The following HMCN2 variants were observed in gnomAD, a reference collection of about 807,000 sequenced individuals.
HMCN2 encodes hemicentin 2.
In HMCN2, 325 loss-of-function variants were observed where a neutral mutation model predicts 377.5. The observed-to-expected ratio is 0.86, with a 90% CI of 0.79 to 0.94. The LOEUF (loss-of-function observed/expected upper bound fraction) is 0.94, where lower values mean the gene tolerates loss of function less well. Ranked by LOEUF, HMCN2 falls within the 40% of genes least tolerant of loss-of-function variation. The pLI is 0.00. For synonymous variants in HMCN2, 2,007 were observed against 2,046.8 expected (o/e 0.98, Z 0.53); for missense variants, 4,543 against 4,725.3 (o/e 0.96, Z 1.13).
At position 130,298,992 on chromosome 9, in the gene HMCN2, G is replaced by A. The variant is rs1038525974; in HGVS notation, c.1013-33G>A. The A allele has an allele frequency of 1.3e-4, 59 of 453,620 alleles. No homozygotes were observed. In the Admixed American group the frequency reaches 1.3e-3, roughly 10 times the overall value. The allele number at this position is 453,620 out of a possible 1,614,324, so 28.1% of individuals were successfully genotyped here. ...GGGGATCACAGAGGCAGACACTGAC[G>A]CCAGCACTTTGTTCTTCACCTTCCC... On this transcript the variant is annotated intron_variant, in intron 7 of 97. Transcript: ENST00000683500.
chr9:130,306,191 G>A lies in HMCN2; in HGVS notation c.1879G>A (p.Val627Ile), dbSNP rs782314674. The change falls in exon 12 of 98, where the codon GTC (valine) becomes ATC (isoleucine). Residue 627 changes from valine (V) to isoleucine (I), a missense_variant. This residue lies in a region of HMCN2 where 547 missense variants were observed against 189.9 expected (regional missense o/e 2.88). Transcript: ENST00000683500. The part of the protein sequence containing the change: ...QHFSQGVEVK[V>I]SCSASGYPTP... ...CTTCTCCCAAGGTGTGGAGGTGAAG[G>A]TCAGCTGCTCAGCCTCTGGATACCC... is the stretch of plus-strand genomic sequence containing the variant. 9 of 470,986 alleles carry A rather than the reference G, an allele frequency of 1.9e-5. No homozygotes were observed. Among genetic ancestry groups the A allele is most frequent in the Non-Finnish European group, 2.6e-5 (6 of 227,046 alleles). 29.2% of individuals were successfully genotyped at this position (470,986 alleles called of 1,614,324 possible). A position where few individuals can be genotyped will look rare whatever the true frequency, so the allele number is the denominator to read the frequency against.
At chr9:130,367,869 G>A (rs181062204) in intron 43 of HMCN2, among the ~76,000 whole-genome samples, 36 of 150,166 alleles carry the variant, frequency 2.4e-4, no homozygotes, top group African/African-American at 3.9e-4. Flanking sequence ...CTGAACCCAG[G>A]AGGCAGAGGT....
chr9:130,302,792 C>G, intron 8 of HMCN2, 65 bp from the exon 9 acceptor site: 1 of 386,914 alleles, frequency 2.6e-6, no homozygotes, highest in South Asian at 1.9e-5. Flanking sequence ...CTACAGGTCT[C>G]TGTGTCACTG....
At position 130,360,018 on chromosome 9, in the gene HMCN2, T is replaced by C. The variant is rs948955372; in HGVS notation, c.5774-410T>C. On this transcript the variant is annotated intron_variant, in intron 37 of 97. Transcript: ENST00000683500. The surrounding 1 kb of genome is among the most constrained non-coding windows in gnomAD (Gnocchi z 4.7). ...CTGCTTTGGGCTGGTCCATGTTCTC[T>C]AATGCCCCCTAGGGGACGGGGTCTT... 2.0e-5 allele frequency among the ~76,000 whole-genome samples: 3 copies of C among 152,068 alleles called. No individual in the cohort carries two copies. Among genetic ancestry groups the C allele is most frequent in the African/African-American group, 7.2e-5 (3 of 41,408 alleles).
At chr9:130,395,436 T>G in intron 71 of HMCN2, 89 bp downstream of exon 71, 2 of 1,133,904 alleles carry the variant, frequency 1.8e-6, no homozygotes, top group Non-Finnish European at 2.3e-6. Context: ...CCAGAGCGGG[T>G]GCCAAGGGCC....
At chr9:130,396,894 G>A (rs868225912) in intron 73 of HMCN2, among the ~76,000 whole-genome samples, 3 of 152,156 alleles carry the variant, frequency 2.0e-5, no homozygotes, top group Admixed American at 1.3e-4. Flanking sequence ...CGCCTTCTGC[G>A]TCTCAGGAGA....
chr9:130,283,884 C>T (rs568923223), intron 1 of HMCN2, among the ~76,000 whole-genome samples: 1 of 139,878 alleles, frequency 7.1e-6, no homozygotes, highest in Admixed American at 7.4e-5. Context: ...CCTTTGAGTA[C>T]AAGCCTTTGT....
chr9:130,331,496 G>A lies in HMCN2; in HGVS notation c.3359+4021G>A, dbSNP rs1002338775. ...ATGCCCAGGATTGTGTTGCAGCCTCGGAGACAGAAGACATGGGCTTGGGCT... is the reference window on the plus strand; with the variant it reads ...ATGCCCAGGATTGTGTTGCAGCCTCAGAGACAGAAGACATGGGCTTGGGCT... On this transcript the variant is annotated intron_variant, in intron 22 of 97. Coordinates refer to ENST00000683500, the MANE Select transcript of HMCN2 (RefSeq NM_001291815.2). 4.6e-5 allele frequency among the ~76,000 whole-genome samples: 7 copies of A among 151,722 alleles called. No homozygotes were observed. The East Asian group carries it at 5.8e-4, about 13-fold the overall frequency.
rs947618646 is a variant in HMCN2, at chr9:130,433,614, G to A, written c.15161G>A (p.Arg5054Gln). 6.6e-7 allele frequency: 1 copy of A among 1,519,548 alleles called. No individual in the cohort carries two copies. Among genetic ancestry groups the A allele is most frequent in the Non-Finnish European group, 8.8e-7 (1 of 1,134,512 alleles). 94.1% of individuals were successfully genotyped at this position (1,519,548 alleles called of 1,614,324 possible). A position where few individuals can be genotyped will look rare whatever the true frequency, so the allele number is the denominator to read the frequency against. ...RRALTRAGLYRLTVRAAAPRH... is the reference protein window; with the variant it reads ...RRALTRAGLYQLTVRAAAPRH... ...GCGCTCACCCGCGCCGGCCTCTACC[G>A]GCTCACCGTGCGTGCTGCGGCACCG... The change falls in exon 98 of 98, where the codon CGG (arginine) becomes CAG (glutamine). Residue 5054 changes from arginine to glutamine, a missense_variant. By Grantham distance (43) the Arg-to-Gln change is conservative. This residue lies in a region of HMCN2 where 1,155 missense variants were observed against 1,157.7 expected (regional missense o/e 1.00). Coordinates refer to ENST00000683500, the MANE Select transcript of HMCN2 (RefSeq NM_001291815.2).
Position 130,422,672 on chromosome 9 carries a change from C to T in HMCN2, c.13327C>T (p.His4443Tyr). The T allele has an allele frequency of 7.6e-7, 1 of 1,313,178 alleles. No individual in the cohort carries two copies. Among genetic ancestry groups the T allele is most frequent in the Non-Finnish European group, 9.8e-7 (1 of 1,023,370 alleles). 81.3% of individuals were successfully genotyped at this position (1,313,178 alleles called of 1,614,324 possible). A position where few individuals can be genotyped will look rare whatever the true frequency, so the allele number is the denominator to read the frequency against. The change falls in exon 87 of 98, where the codon CAC (histidine) becomes TAC (tyrosine). Residue 4443 changes from histidine (H) to tyrosine (Y), a missense_variant. Around this residue, in one of 5 missense-constraint regions of HMCN2, gnomAD observed 1,155 missense variants for 1,157.7 expected, o/e 1.00. Coordinates refer to ENST00000683500, the MANE Select transcript of HMCN2 (RefSeq NM_001291815.2). This position sits in a 1 kb window ranked among gnomAD's most constrained non-coding sequence, Gnocchi z 4.2. ...TLNTSVMQEA[H>Y]SGVSSIHSSI... ...CAACACCAGCGTGATGCAGGAGGCA[C>T]ACTCCGGGGTCAGCAGCATCCACAG...
intron 4 of HMCN2, among the ~76,000 whole-genome samples, chr9:130,290,275 C>A (rs1272846889): frequency 6.6e-6 from 1 of 152,184 alleles, no homozygotes; most frequent in Non-Finnish European, 1.5e-5. Flanking sequence ...AGGGTCAGCC[C>A]CCCAACTCCC....
rs139302611 is a variant in HMCN2 at position 130,405,010 on chromosome 9, G to A, written c.12290G>A (p.Gly4097Glu). Residue 4097 changes from glycine to glutamate, a missense_variant, in exon 81 of 98, where the codon GGG becomes GAG. Gly to Glu is a moderately conservative substitution (Grantham distance 98). Coordinates refer to ENST00000683500, the MANE Select transcript of HMCN2 (RefSeq NM_001291815.2). ...KDGQPVSGAE[G>E]KFTIQPSGEL... ...GGCCAGCCTGTGTCGGGCGCCGAGG[G>A]GAAGTTCACCATCCAGCCTTCTGGG... 4.4e-3 allele frequency: 5,719 copies of A among 1,289,626 alleles called. 75 individuals carry two copies. In the Admixed American group the frequency reaches 0.047, roughly 11 times the overall value. 79.9% of individuals were successfully genotyped at this position (1,289,626 alleles called of 1,614,324 possible).
At chr9:130,381,157 A>G (rs752269676) in intron 54 of HMCN2, among the ~76,000 whole-genome samples, 2 of 152,032 alleles carry the variant, frequency 1.3e-5, no homozygotes, top group Non-Finnish European at 2.9e-5. Flanking sequence ...TCTTACCCTG[A>G]CCTTACACTG....
chr9:130,382,148 T>A (rs13302441), intron 54 of HMCN2, 36 bp from the exon 55 acceptor site: 78,012 of 948,798 alleles, frequency 0.082, 3,540 homozygotes, highest in Non-Finnish European at 0.091. Flanking sequence ...GTGACTCTCG[T>A]GCCTGAGCCC....
At chr9:130,348,455 C>T (rs1839509173) in intron 26 of HMCN2, 90 bp from the exon 27 acceptor site, 7 of 1,243,624 alleles carry the variant, frequency 5.6e-6, no homozygotes, top group South Asian at 1.4e-5. Context: ...ACCCCAGTGA[C>T]GAAGGGGAGG....
chr9:130,405,386 G>A (rs1230743153), intron 81 of HMCN2, among the ~76,000 whole-genome samples: 2 of 152,210 alleles, frequency 1.3e-5, no homozygotes, highest in Non-Finnish European at 2.9e-5. Flanking sequence ...GGCATTAACC[G>A]TCCTCTGGGT....
intron 93 of HMCN2, chr9:130,429,239 T>G: frequency 2.7e-6 from 1 of 368,216 alleles, no homozygotes; most frequent in Non-Finnish European, 5.0e-6. Context: ...TTTACCCTCT[T>G]TATGGATGAG....
At chr9:130,417,566 G>A (rs1281378104) in intron 85 of HMCN2, among the ~76,000 whole-genome samples, 2 of 151,892 alleles carry the variant, frequency 1.3e-5, no homozygotes, top group African/African-American at 4.8e-5. Flanking sequence ...ACAGAGAGCT[G>A]GGGTGGTGTG....
chr9:130,278,148 G>T (rs1035598914), intron 1 of HMCN2, among the ~76,000 whole-genome samples: 1 of 151,722 alleles, frequency 6.6e-6, no homozygotes, highest in Non-Finnish European at 1.5e-5. Flanking sequence ...TTTTTGAGAC[G>T]CAGTCTCGCT....
Sources: allele counts gnomAD v4.1 joint callset (sites outside exome capture counted in the v4.1 genomes callset), GRCh38; gene constraint gnomAD v4.1.1; regional missense constraint gnomAD v4.1.1; non-coding constraint Gnocchi (gnomAD v3.1); transcripts MANE v1.5; gene names NCBI Gene and HGNC (gene_info 2026-07-23, HGNC 2026-07-21).